Variants in ESRRG observed in about 807,000 individuals in gnomAD.
ESRRG encodes estrogen-related receptor gamma.
Under a neutral mutation model 44.0 loss-of-function variants are expected in ESRRG, and 13 were observed. That is an observed-to-expected ratio of 0.30 (90% CI 0.19 to 0.47). The LOEUF is 0.47. ESRRG is among the 20% of genes least tolerant of loss of function. ESRRG has a pLI of 1.00. For synonymous variants in ESRRG, 215 were observed against 214.6 expected (o/e 1.00, Z -0.02); for missense variants, 395 against 580.6 (o/e 0.68, Z 3.29).
intron 2 of ESRRG, among the ~76,000 whole-genome samples, chr1:216,656,651 T>C (rs2070683201): frequency 6.6e-6 from 1 of 152,202 alleles, no homozygotes; most frequent in Admixed American, 6.5e-5. Context: ...CTGAATGATG[T>C]AAATTAGCAT....
intron 6 of ESRRG, among the ~76,000 whole-genome samples, chr1:216,513,743 A>G (rs777157458): frequency 6.6e-6 from 1 of 152,084 alleles, no homozygotes. Flanking sequence ...CTATTTTTCT[A>G]TAATTACTTA....
intron 2 of ESRRG, among the ~76,000 whole-genome samples, chr1:216,771,626 T>C (rs1345489340): frequency 1.3e-5 from 2 of 152,136 alleles, no homozygotes; most frequent in African/African-American, 2.4e-5. Flanking sequence ...GCTCATATAC[T>C]GTATTTAAAA....
chr1:216,791,237 C>CAGTGA (rs944921041), intron 2 of ESRRG, among the ~76,000 whole-genome samples: 3 of 152,044 alleles, frequency 2.0e-5, no homozygotes, highest in Non-Finnish European at 2.9e-5. Context: ...GTCTTCACGA[C>CAGTGA]AGTGAGTGAG....
intron 1 of ESRRG, among the ~76,000 whole-genome samples, chr1:217,127,304 GT>G (rs1286288513): frequency 6.6e-6 from 1 of 151,628 alleles, no homozygotes; most frequent in Non-Finnish European, 1.5e-5. Flanking sequence ...TCATGCCTGT[GT>G]CTTATGTTAG....
rs535285832 is a variant in ESRRG at position 216,778,005 on chromosome 1, C to T, written c.-13-100514G>A. ...TGCTAATGATCAGAAAAGCATCATG[C>T]TCAGATTAATTAAAGAGTAAGAATC... On this transcript the variant is annotated intron_variant, in intron 2 of 7. Transcript: ENST00000359162. 5.3e-5 allele frequency among the ~76,000 whole-genome samples: 8 copies of T among 152,128 alleles called. No individual in the cohort carries two copies. In the South Asian group the frequency reaches 1.7e-3, roughly 32 times the overall value.
intron 2 of ESRRG, among the ~76,000 whole-genome samples, chr1:216,809,240 A>T (rs1241578022): frequency 1.3e-5 from 2 of 151,324 alleles, no homozygotes; most frequent in Non-Finnish European, 2.9e-5. Flanking sequence ...TTCCAAATGC[A>T]CAAGGCTGTT....
intron 1 of ESRRG, chr1:216,707,418 T>C (rs534651383): frequency 6.5e-6 from 10 of 1,535,870 alleles, no homozygotes; most frequent in South Asian, 1.2e-5. Flanking sequence ...CCCAATCACA[T>C]TCTCGCCACA....
At chr1:216,732,561 G>C (rs1477996024) in intron 2 of ESRRG, among the ~76,000 whole-genome samples, 2 of 151,844 alleles carry the variant, frequency 1.3e-5, no homozygotes, top group Non-Finnish European at 2.9e-5. Context: ...ATTTATAGTA[G>C]AGACGGGATT....
intron 3 of ESRRG, among the ~76,000 whole-genome samples, chr1:216,594,399 G>T (rs1052813156): frequency 3.3e-5 from 5 of 152,022 alleles, no homozygotes; most frequent in Admixed American, 3.3e-4. Context: ...AATATTTTAA[G>T]GAGAGCAAAA....
chr1:216,573,977 G>A (rs1301755599), intron 3 of ESRRG, among the ~76,000 whole-genome samples: 2 of 151,954 alleles, frequency 1.3e-5, no homozygotes, highest in Non-Finnish European at 1.5e-5. Context: ...TCTACTAAAG[G>A]TGGCAAAGCC....
At chr1:216,619,225 T>C (rs1216207075) in intron 3 of ESRRG, among the ~76,000 whole-genome samples, 2 of 152,244 alleles carry the variant, frequency 1.3e-5, no homozygotes, top group African/African-American at 4.8e-5. Flanking sequence ...GTGTGCATGC[T>C]CACATGTGTG....
intron 1 of ESRRG, among the ~76,000 whole-genome samples, chr1:217,126,702 C>T (rs762174512): frequency 3.3e-5 from 5 of 152,016 alleles, no homozygotes; most frequent in Admixed American, 6.6e-5. Context: ...TCCTGCTAAT[C>T]GAGTATCCTC....
chr1:216,848,398 CTT>C (rs34200168), intron 2 of ESRRG, among the ~76,000 whole-genome samples: 29 of 142,780 alleles, frequency 2.0e-4, no homozygotes, highest in African/African-American at 4.8e-4. Flanking sequence ...AATTTCTTGG[CTT>C]TTTTTTTTTT....
At chr1:216,566,791 T>C (rs1237062551) in intron 4 of ESRRG, among the ~76,000 whole-genome samples, 2 of 152,168 alleles carry the variant, frequency 1.3e-5, no homozygotes, top group East Asian at 1.9e-4. Flanking sequence ...AGATGCCAGA[T>C]TGGACAATTG....
intron 3 of ESRRG, among the ~76,000 whole-genome samples, chr1:216,573,444 T>A (rs2061179722): frequency 6.6e-6 from 1 of 151,936 alleles, no homozygotes; most frequent in Non-Finnish European, 1.5e-5. Flanking sequence ...TCCAATAACA[T>A]TACATTATGG....
intron 1 of ESRRG, among the ~76,000 whole-genome samples, chr1:217,086,642 A>G (rs1287316701): frequency 1.3e-5 from 2 of 152,224 alleles, no homozygotes; most frequent in Non-Finnish European, 2.9e-5. Flanking sequence ...GTGGTTGACC[A>G]TTACATAACC....
Position 216,583,299 on chromosome 1 carries a change from T to A in ESRRG, c.590-15201A>T, listed in dbSNP as rs572738213. 2.0e-4 allele frequency among the ~76,000 whole-genome samples: 30 copies of A among 152,332 alleles called. No homozygotes were observed. The South Asian group carries it at 3.5e-3, about 18-fold the overall frequency. On this transcript the variant is annotated intron_variant, in intron 3 of 6. Transcript: ENST00000408911. The stretch of plus-strand genomic sequence containing the variant: ...TTGTTAGCAACAGATGAAAGTCATA[T>A]GTGTACACCTACTGAAGTCAATGGT...
chr1:216,733,764 G>T (rs561954437), intron 2 of ESRRG, among the ~76,000 whole-genome samples: 28 of 152,106 alleles, frequency 1.8e-4, no homozygotes, highest in Non-Finnish European at 2.9e-4. Flanking sequence ...CCTGAGGGGG[G>T]CGGATCACCT....
intron 1 of ESRRG, among the ~76,000 whole-genome samples, chr1:217,102,033 C>A (rs536191364): frequency 3.9e-5 from 6 of 152,198 alleles, no homozygotes; most frequent in Admixed American, 3.9e-4. Context: ...CTCGAATTCC[C>A]GACCTCAGGT....
Sources: gnomAD v4.1 joint callset for allele counts (sites outside exome capture counted in the v4.1 genomes callset) on GRCh38, gnomAD v4.1.1 for gene constraint, MANE v1.5 for transcripts, NCBI Gene and HGNC (gene_info 2026-07-23, HGNC 2026-07-21) for gene names.